ZNF93: variants seen among roughly 807,000 people sequenced by gnomAD.
ZNF93 encodes the protein zinc finger protein 93, also known as zinc finger protein 505.
A neutral mutation model predicts 45.0 loss-of-function variants in ZNF93; 29 were observed. That is an observed-to-expected ratio of 0.64 (90% confidence interval 0.48 to 0.88). The LOEUF (loss-of-function observed/expected upper bound fraction) is 0.88. ZNF93 is among the 40% of genes least tolerant of loss of function. The pLI is 0.00. For synonymous variants in ZNF93, 223 were observed against 244.6 expected (o/e 0.91, Z 0.82); for missense variants, 578 against 724.0 (o/e 0.80, Z 2.31).
rs202043713 is a variant in ZNF93 at position 19,917,250 on chromosome 19, G to GA, written c.226+602dup. ...TTAGAATTGTATTTTCCATTACTGT[G>GA]AAAAAAATACCACTGCAATTTTGAT... On this transcript the variant is annotated intron_variant, in intron 3 of 3. Transcript: ENST00000343769. Among the ~76,000 whole-genome samples the GA allele has an allele frequency of 6.2e-3, 936 of 151,894 alleles. 13 individuals carry two copies. The highest frequency in any genetic ancestry group is 0.021 in the African/African-American group (850 of 41,460).
chr19:19,923,949 A>C (rs2063349038), intron 3 of ZNF93, among the ~76,000 whole-genome samples: 1 of 152,140 alleles, frequency 6.6e-6, no homozygotes, highest in Admixed American at 6.5e-5. Flanking sequence ...GACAATTCCC[A>C]GTGAGATGAA....
chr19:19,929,436 A>G (rs2063365770), intron 3 of ZNF93, among the ~76,000 whole-genome samples: 1 of 152,222 alleles, frequency 6.6e-6, no homozygotes, highest in South Asian at 2.1e-4. Context: ...CTTGATGTCT[A>G]CAATCATTAT....
intron 1 of ZNF93, among the ~76,000 whole-genome samples, chr19:19,901,745 G>A (rs1302423040): frequency 6.6e-6 from 1 of 152,084 alleles, no homozygotes; most frequent in Non-Finnish European, 1.5e-5. Flanking sequence ...ATTGTGCGGT[G>A]GGACCTCAGC....
intron 1 of ZNF93, among the ~76,000 whole-genome samples, chr19:19,910,030 T>A (rs2063303305): frequency 6.6e-6 from 1 of 152,168 alleles, no homozygotes; most frequent in Non-Finnish European, 1.5e-5. Flanking sequence ...ATTCAGAAAC[T>A]ATGGAGCCCA....
chr19:19,908,686 T>G (rs1267644847), intron 1 of ZNF93: 1 of 151,560 alleles, frequency 6.6e-6, no homozygotes, highest in Non-Finnish European at 1.5e-5. Context: ...TTACTAAAAA[T>G]ACAAAAATTA....
chr19:19,904,950 G>A (rs1453726183), intron 1 of ZNF93, among the ~76,000 whole-genome samples: 1 of 152,112 alleles, frequency 6.6e-6, no homozygotes, highest in Non-Finnish European at 1.5e-5. Context: ...GAACCTCACC[G>A]TGGCATTTTT....
rs559051102 is a variant in ZNF93 at position 19,934,243 on chromosome 19, T to C, written c.1288T>C (p.Cys430Arg). ...TGEKPYKCEE[C>R]GKAFVASSTL... ...AGAGAAACCCTACAAATGTGAAGAA[T>C]GTGGCAAAGCCTTTGTTGCATCCTC... Residue 430 changes from cysteine to arginine, a missense_variant, in exon 4 of 4, where the codon TGT becomes CGT. Physicochemically the swap from Cys to Arg is radical, Grantham distance 180. This residue lies in a region of ZNF93 where 446 missense variants were observed against 547.6 expected (regional missense o/e 0.81). Transcript: ENST00000343769. 4.9e-4 allele frequency: 785 copies of C among 1,612,366 alleles called. 14 individuals carry two copies. In the South Asian group the frequency reaches 8.1e-3, roughly 17 times the overall value.
At position 19,934,836 on chromosome 19, in the gene ZNF93, C is replaced by T. The variant is rs199508733; in HGVS notation, c.*18C>T. 6.3e-7 allele frequency: 1 copy of T among 1,584,608 alleles called. No homozygotes were observed. The highest frequency in any genetic ancestry group is 1.4e-5 in the African/African-American group (1 of 73,978). ...AACCCTAGAAGTGTGAAGAATGTGGCAAAGCCTTCAAGTGGTCCTCACACC... is the reference window on the plus strand; with the variant it reads ...AACCCTAGAAGTGTGAAGAATGTGGTAAAGCCTTCAAGTGGTCCTCACACC... On this transcript the variant is annotated 3_prime_UTR_variant, in exon 4 of 4. Transcript: ENST00000343769.
chr19:19,916,361 T>G (rs1420180618), intron 2 of ZNF93, among the ~76,000 whole-genome samples, 199 bp from the exon 3 acceptor site: 1 of 152,182 alleles, frequency 6.6e-6, no homozygotes, highest in East Asian at 1.9e-4. Context: ...GCCTCCCAAA[T>G]TGCTGGGATC....
Position 19,901,009 on chromosome 19 carries a change from G to T in ZNF93, c.-80G>T, listed in dbSNP as rs141531256. 15,170 of 1,593,166 alleles carry T rather than the reference G, an allele frequency of 9.5e-3. 115 individuals carry two copies. The highest frequency in any genetic ancestry group is 0.019 in the South Asian group (1,743 of 90,674). ...CTACTCTGTGTCCTGTGCTCCTACA[G>T]GCCCAGCCTCTGTGGCCCTGTGACC... On this transcript the variant is annotated 5_prime_UTR_variant, in exon 1 of 4. In the 5' UTR this introduces an upstream ATG that the reference lacks. Coordinates refer to ENST00000343769, the MANE Select transcript of ZNF93 (RefSeq NM_031218.4).
At position 19,904,387 on chromosome 19, in the gene ZNF93, C is replaced by T. The variant is rs531390535; in HGVS notation, c.3+3296C>T. Among the ~76,000 whole-genome samples the T allele has an allele frequency of 5.9e-5, 9 of 152,264 alleles. No homozygotes were observed. In the East Asian group the frequency reaches 1.7e-3, roughly 29 times the overall value. ...GCATCTTATATATGAAACCAGTAAA[C>T]ATAACTACAGTGTTTTGCTGAGTTC... is the stretch of plus-strand genomic sequence containing the variant. On this transcript the variant is annotated intron_variant, in intron 1 of 3. Transcript: ENST00000343769.
chr19:19,910,615 A>G lies in ZNF93; in HGVS notation c.4-4665A>G, dbSNP rs548757839. ...AGGTTATAATCCTTAAGCTTGACCC[A>G]AGTAAACTATCTACTTATATTCATG... On this transcript the variant is annotated intron_variant, in intron 1 of 3. Coordinates refer to ENST00000343769, the MANE Select transcript of ZNF93 (RefSeq NM_031218.4). Among the ~76,000 whole-genome samples the G allele has an allele frequency of 1.1e-3, 162 of 151,550 alleles. 1 individual carries two copies. The highest frequency in any genetic ancestry group is 3.7e-3 in the African/African-American group (152 of 41,222).
chr19:19,927,064 A>G, intron 3 of ZNF93: 1 of 398,512 alleles, frequency 2.5e-6, no homozygotes. Flanking sequence ...TTAAAAACAC[A>G]TAACATAAAA....
At chr19:19,903,926 G>A (rs1428761317) in intron 1 of ZNF93, among the ~76,000 whole-genome samples, 1 of 151,634 alleles carries the variant, frequency 6.6e-6, no homozygotes, top group Non-Finnish European at 1.5e-5. Flanking sequence ...CAAAAACTAG[G>A]CGGGCGCTTG....
At chr19:19,929,766 G>A (rs944223099) in intron 3 of ZNF93, among the ~76,000 whole-genome samples, 6 of 151,116 alleles carry the variant, frequency 4.0e-5, no homozygotes, top group East Asian at 3.9e-4. Context: ...GTGAAACCCC[G>A]TCTCTACTAA....
chr19:19,905,342 A>G (rs1329270134), intron 1 of ZNF93, among the ~76,000 whole-genome samples: 2 of 151,528 alleles, frequency 1.3e-5, no homozygotes, highest in Non-Finnish European at 2.9e-5. Flanking sequence ...AAACAGGTAT[A>G]TTTTCTGATC....
intron 3 of ZNF93, chr19:19,926,263 G>C (rs2063355881): frequency 6.6e-6 from 1 of 151,000 alleles, no homozygotes; most frequent in African/African-American, 2.4e-5. Flanking sequence ...ATTATTAGTA[G>C]AGACGGGGCT....
chr19:19,903,563 C>G (rs1275235249), intron 1 of ZNF93, among the ~76,000 whole-genome samples: 3 of 152,096 alleles, frequency 2.0e-5, no homozygotes, highest in Non-Finnish European at 4.4e-5. Flanking sequence ...GTCAGGAGAT[C>G]GAGACCATCC....
chr19:19,920,527 C>T (rs902785390), intron 3 of ZNF93, among the ~76,000 whole-genome samples: 3 of 152,140 alleles, frequency 2.0e-5, no homozygotes, highest in African/African-American at 7.2e-5. Context: ...GGAATGGTAC[C>T]GGCTCCTCCT....
Sources: allele counts gnomAD v4.1 joint callset (sites outside exome capture counted in the v4.1 genomes callset), GRCh38; gene constraint gnomAD v4.1.1; regional missense constraint gnomAD v4.1.1; transcripts MANE v1.5; gene names NCBI Gene and HGNC (gene_info 2026-07-23, HGNC 2026-07-21).